Variants in SHOC2 observed in about 807,000 individuals in gnomAD.
SHOC2 encodes the protein leucine-rich repeat protein SHOC-2.
A neutral mutation model predicts 50.2 loss-of-function variants in SHOC2; 4 were observed. That is an observed-to-expected ratio of 0.08 (90% CI 0.04 to 0.18). The LOEUF is 0.18. SHOC2 is among the 10% of genes least tolerant of loss of function. The pLI, the probability that SHOC2 is intolerant of heterozygous loss-of-function variation, is 1.00. For synonymous variants in SHOC2, 218 were observed against 244.5 expected (o/e 0.89, Z 1.01); for missense variants, 388 against 669.6 (o/e 0.58, Z 4.64).
At chr10:110,935,421 A>G (rs1367228701) in intron 1 of SHOC2, among the ~76,000 whole-genome samples, 1 of 152,210 alleles carries the variant, frequency 6.6e-6, no homozygotes, top group Non-Finnish European at 1.5e-5. Context: ...TTCCCTTGAA[A>G]AAACTTCAGT....
At chr10:110,940,578 TAAC>T (rs766225159) in intron 1 of SHOC2, among the ~76,000 whole-genome samples, 1 of 152,212 alleles carries the variant, frequency 6.6e-6, no homozygotes, top group African/African-American at 2.4e-5. Context: ...GAGCTTATAT[TAAC>T]AAATTATTCA....
intron 1 of SHOC2, among the ~76,000 whole-genome samples, chr10:110,951,159 A>G (rs1005735672): frequency 6.6e-6 from 1 of 152,210 alleles, no homozygotes; most frequent in Admixed American, 6.5e-5. Context: ...TTAATATCCA[A>G]AATATATTTA....
At chr10:110,919,827 GCGC>G (rs1420580329) in intron 1 of SHOC2, among the ~76,000 whole-genome samples, 170 bp downstream of exon 1, 1 of 151,002 alleles carries the variant, frequency 6.6e-6, no homozygotes, top group Non-Finnish European at 1.5e-5. Flanking sequence ...GCCCTGGGAG[GCGC>G]CGCCGCCGCC....
At chr10:111,003,974 C>T (rs1848425231) in intron 4 of SHOC2, among the ~76,000 whole-genome samples, 1 of 152,078 alleles carries the variant, frequency 6.6e-6, no homozygotes, top group Non-Finnish European at 1.5e-5. Context: ...TGGTGAGAGG[C>T]TAAAGTAGGG....
intron 2 of SHOC2, among the ~76,000 whole-genome samples, chr10:110,981,039 G>C (rs749007142): frequency 2.6e-5 from 4 of 152,126 alleles, no homozygotes; most frequent in African/African-American, 9.7e-5. Context: ...TCTCTAGTAG[G>C]TGCACAGTAA....
chr10:110,940,910 G>GGTTT lies in SHOC2; in HGVS notation c.-235+21253_-235+21254insGTTT, dbSNP rs1564705752. Among the ~76,000 whole-genome samples, 19 of 119,504 alleles carry GGTTT rather than the reference G, an allele frequency of 1.6e-4. 9 individuals carry two copies. The highest frequency in any genetic ancestry group is 1.6e-4 in the African/African-American group (5 of 31,418). 78.4% of individuals were successfully genotyped at this position (119,504 alleles called of 152,430 possible). ...GACAAAATAGTGGTATTTGTGGTGG[G>GGTTT]TTTTTTTTTTTTTTTTTTTTTTTTT... On this transcript the variant is annotated intron_variant, in intron 1 of 8. Transcript: ENST00000369452.
chr10:110,964,697 C>G lies in SHOC2; in HGVS notation c.339C>G (p.His113Gln). The change falls in exon 2 of 9, where the codon CAC (histidine) becomes CAG (glutamine). Residue 113 changes from histidine to glutamine, a missense_variant. This residue lies in a region of SHOC2 where 121 missense variants were observed against 145.5 expected (regional missense o/e 0.83). Transcript: ENST00000369452. The surrounding 1 kb of genome is among the most constrained non-coding windows in gnomAD (Gnocchi z 4.9). Reference protein sequence around the residue: ...MRLDLSKRSIHILPSSIKELT... With the variant: ...MRLDLSKRSIQILPSSIKELT... ...TGGACTTATCCAAGAGATCTATACA[C>G]ATATTGCCATCATCAATCAAAGAGT... is the stretch of plus-strand genomic sequence containing the variant. The G allele has an allele frequency of 2.5e-6, 4 of 1,614,110 alleles. No individual in the cohort carries two copies. The highest frequency in any genetic ancestry group is 3.4e-6 in the Non-Finnish European group (4 of 1,179,970).
At chr10:111,006,432 G>A (rs1315756982) in intron 5 of SHOC2, among the ~76,000 whole-genome samples, 2 of 151,978 alleles carry the variant, frequency 1.3e-5, no homozygotes, top group African/African-American at 2.4e-5. Context: ...GTGCAGTGGC[G>A]GGATCTCGGC....
At chr10:110,941,407 C>T (rs945763054) in intron 1 of SHOC2, among the ~76,000 whole-genome samples, 7 of 152,074 alleles carry the variant, frequency 4.6e-5, no homozygotes, top group Non-Finnish European at 1.0e-4. Flanking sequence ...TCTTGGCTCA[C>T]TGCAACCTCC....
chr10:111,011,062 T>A (rs541185695), intron 8 of SHOC2, among the ~76,000 whole-genome samples: 5 of 152,258 alleles, frequency 3.3e-5, no homozygotes, highest in South Asian at 4.1e-4. Flanking sequence ...TAAGAAAAAA[T>A]TTTTAAAGGT....
At chr10:110,997,192 G>A (rs1476382796) in intron 3 of SHOC2, among the ~76,000 whole-genome samples, 2 of 152,120 alleles carry the variant, frequency 1.3e-5, no homozygotes, top group Non-Finnish European at 2.9e-5. Flanking sequence ...TTAAAAACAT[G>A]TACAGGCATA....
chr10:110,948,840 A>G (rs116489193), intron 1 of SHOC2, among the ~76,000 whole-genome samples: 1,903 of 152,328 alleles, frequency 0.012, 38 homozygotes, highest in African/African-American at 0.044. Context: ...AGCTTGTCCA[A>G]CCTGTGGGCC....
Position 111,009,337 on chromosome 10 carries a change from C to G in SHOC2, c.1374C>G (p.Asn458Lys). 1 of 1,608,036 alleles carries G rather than the reference C, an allele frequency of 6.2e-7. No homozygotes were observed. ...RKLRELDLEE[N>K]KLESLPNEIA... is the part of the protein sequence containing the mutation. The stretch of plus-strand genomic sequence containing the variant: ...TAAGAGAGTTGGATCTAGAAGAGAA[C>G]AAATTGGAATCCTTGCCAAATGAAA... Residue 458 changes from asparagine to lysine, a missense_variant, in exon 7 of 9, where the codon AAC becomes AAG. Physicochemically the swap from Asn to Lys is moderately conservative, Grantham distance 94. Coordinates refer to ENST00000369452, the MANE Select transcript of SHOC2 (RefSeq NM_007373.4).
At chr10:110,979,245 C>G (rs1299449277) in intron 2 of SHOC2, among the ~76,000 whole-genome samples, 1 of 152,234 alleles carries the variant, frequency 6.6e-6, no homozygotes, top group Non-Finnish European at 1.5e-5. Flanking sequence ...CTCTTAGTTC[C>G]TTTTCACATG....
intron 1 of SHOC2, among the ~76,000 whole-genome samples, chr10:110,923,468 T>A (rs1846694928): frequency 6.6e-6 from 1 of 152,126 alleles, no homozygotes; most frequent in Admixed American, 6.5e-5. Context: ...AAGCAGAGTT[T>A]ATACACGCAA....
At chr10:111,006,688 G>C (rs989203072) in intron 5 of SHOC2, among the ~76,000 whole-genome samples, 3 of 152,182 alleles carry the variant, frequency 2.0e-5, no homozygotes, top group Non-Finnish European at 4.4e-5. Context: ...TAAAGATACA[G>C]ATTAACATAA....
chr10:110,966,252 T>C (rs534987109), intron 2 of SHOC2, among the ~76,000 whole-genome samples: 1 of 152,224 alleles, frequency 6.6e-6, no homozygotes, highest in South Asian at 2.1e-4. Context: ...AAATTTATGA[T>C]AGGTTTTCTC....
intron 2 of SHOC2, among the ~76,000 whole-genome samples, chr10:110,976,248 A>G (rs1382467750): frequency 6.6e-6 from 1 of 151,934 alleles, no homozygotes; most frequent in African/African-American, 2.4e-5. Context: ...GTCCGTTAAC[A>G]TATTGTAGTA....
In SHOC2 at chr10:111,000,526, A is replaced by G. The variant is rs1489094197; in HGVS notation, c.953A>G (p.Asn318Ser). The change falls in exon 4 of 9, where the codon AAC becomes AGC. Residue 318 changes from asparagine to serine, a missense_variant. Transcript: ENST00000369452. ...ALEELNLENN[N>S]ISTLPESLLS... ...GAAGAATTAAATTTAGAGAACAATA[A>G]CATTTCTACTTTACCAGAGGTAAGA... 4.3e-6 allele frequency: 7 copies of G among 1,610,408 alleles called. No individual in the cohort carries two copies. The South Asian group carries it at 7.7e-5, about 18-fold the overall frequency.
Sources: allele counts gnomAD v4.1 joint callset (sites outside exome capture counted in the v4.1 genomes callset), GRCh38; gene constraint gnomAD v4.1.1; regional missense constraint gnomAD v4.1.1; non-coding constraint Gnocchi (gnomAD v3.1); transcripts MANE v1.5; gene names NCBI Gene and HGNC (gene_info 2026-07-23, HGNC 2026-07-21).